Variants in CDC14B observed in about 807,000 individuals in gnomAD.
CDC14B encodes the protein dual specificity protein phosphatase CDC14B.
Under a neutral mutation model 64.2 loss-of-function variants are expected in CDC14B, and 22 were observed. The ratio of observed to expected loss-of-function variants is 0.34; its 90% CI spans 0.24 to 0.49. The LOEUF is 0.49. Among genes scored for constraint, CDC14B ranks in the 20% least tolerant of loss-of-function variants. CDC14B has a pLI of 0.99. For missense variants in CDC14B, 498 were observed against 629.9 expected (o/e 0.79, Z 2.24); for synonymous variants, 191 against 215.8 (o/e 0.89, Z 1.01).
At chr9:96,524,363 G>T (rs1279596575) in intron 9 of CDC14B, among the ~76,000 whole-genome samples, 2 of 152,340 alleles carry the variant, frequency 1.3e-5, no homozygotes, top group East Asian at 3.9e-4. Context: ...ATGATTCTCA[G>T]TAAGTGCAGT....
intron 9 of CDC14B, among the ~76,000 whole-genome samples, chr9:96,533,004 T>C (rs1466335121): frequency 1.3e-5 from 2 of 152,224 alleles, no homozygotes; most frequent in African/African-American, 2.4e-5. Flanking sequence ...GTTCTGTCTA[T>C]TGGCCAGGCT....
intron 1 of CDC14B, among the ~76,000 whole-genome samples, chr9:96,573,187 T>C (rs755387835): frequency 3.0e-4 from 45 of 152,190 alleles, no homozygotes; most frequent in Non-Finnish European, 5.1e-4. Flanking sequence ...GGCCCGCGCC[T>C]GTAATCCCAG....
At chr9:96,609,124 C>T (rs963053398) in intron 1 of CDC14B, among the ~76,000 whole-genome samples, 2 of 152,082 alleles carry the variant, frequency 1.3e-5, no homozygotes, top group African/African-American at 4.8e-5. Flanking sequence ...GCCAACACGC[C>T]TGGCTAATTT....
chr9:96,598,061 T>C (rs984550765), intron 1 of CDC14B, among the ~76,000 whole-genome samples: 5 of 152,146 alleles, frequency 3.3e-5, no homozygotes, highest in Admixed American at 6.5e-5. Flanking sequence ...TAATCAAGTA[T>C]AAGCAAATCA....
At chr9:96,596,765 G>A (rs933444071) in intron 1 of CDC14B, among the ~76,000 whole-genome samples, 1 of 151,828 alleles carries the variant, frequency 6.6e-6, no homozygotes, top group Non-Finnish European at 1.5e-5. Context: ...AGGCTGAGGT[G>A]GGCGGATCAC....
chr9:96,576,093 T>C (rs766152721), intron 1 of CDC14B, among the ~76,000 whole-genome samples: 6 of 151,332 alleles, frequency 4.0e-5, no homozygotes, highest in South Asian at 2.1e-4. Flanking sequence ...CTGGCCAACA[T>C]GGTGAAACCT....
intron 13 of CDC14B, among the ~76,000 whole-genome samples, chr9:96,509,402 G>A (rs545799539): frequency 3.2e-4 from 49 of 152,218 alleles, no homozygotes; most frequent in African/African-American, 1.1e-3. Flanking sequence ...AGCCAGCTTT[G>A]GAAATTCTTA....
At chr9:96,494,297 C>T (rs1447820322) in intron 13 of CDC14B, among the ~76,000 whole-genome samples, 1 of 152,248 alleles carries the variant, frequency 6.6e-6, no homozygotes, top group Non-Finnish European at 1.5e-5. Flanking sequence ...ATGCCTGTAC[C>T]TCAGGCAGGG....
chr9:96,562,117 G>A lies in CDC14B; in HGVS notation c.420+576C>T, dbSNP rs78989049. The stretch of plus-strand genomic sequence containing the variant: ...AAGTACATTTCCAATGATCCAAATG[G>A]AGCACTTGATGGCATATGTATGTAA... On this transcript the variant is annotated intron_variant, in intron 4 of 13. Coordinates refer to ENST00000375241, the MANE Select transcript of CDC14B (RefSeq NM_033331.4). Among the ~76,000 whole-genome samples, 597 of 152,206 alleles carry A rather than the reference G, an allele frequency of 3.9e-3. 15 individuals carry two copies. The highest frequency in any genetic ancestry group is 0.039 in the South Asian group (186 of 4,826).
Position 96,515,757 on chromosome 9 carries a change from C to T in CDC14B, c.1344-5968G>A, listed in dbSNP as rs565900978. Reference sequence around the variant, plus strand: ...ACAAACAATCCACCAGATGACAACACTACACAGTGCAGAGGTCAGCACAGC... The same window carrying T: ...ACAAACAATCCACCAGATGACAACATTACACAGTGCAGAGGTCAGCACAGC... On this transcript the variant is annotated intron_variant, in intron 12 of 13. Coordinates refer to ENST00000375241, the MANE Select transcript of CDC14B (RefSeq NM_033331.4). The surrounding 1 kb of genome is among the most constrained non-coding windows in gnomAD (Gnocchi z 4.3). 1 of 1,605,908 alleles carries T rather than the reference C, an allele frequency of 6.2e-7. No individual in the cohort carries two copies. Among genetic ancestry groups the T allele is most frequent in the Admixed American group, 1.7e-5 (1 of 59,070 alleles).
intron 4 of CDC14B, among the ~76,000 whole-genome samples, chr9:96,554,694 A>G (rs942963297): frequency 7.4e-4 from 112 of 152,318 alleles, no homozygotes; most frequent in African/African-American, 2.6e-3. Context: ...TGCAGAACAA[A>G]TCCACTTATA....
At chr9:96,520,749 G>A (rs1836569722) in intron 12 of CDC14B, among the ~76,000 whole-genome samples, 1 of 152,166 alleles carries the variant, frequency 6.6e-6, no homozygotes, top group African/African-American at 2.4e-5. Flanking sequence ...CCTAGGGCTT[G>A]CAATTCAATG....
At position 96,517,348 on chromosome 9, in the gene CDC14B, T is replaced by TA. The variant is rs1394254026; in HGVS notation, c.1343+5157dup. Among the ~76,000 whole-genome samples, 88 of 120,770 alleles carry TA rather than the reference T, an allele frequency of 7.3e-4. No homozygotes were observed. The East Asian group carries it at 0.013, about 18-fold the overall frequency. 79.2% of individuals were successfully genotyped at this position (120,770 alleles called of 152,430 possible). A position where few individuals can be genotyped will look rare whatever the true frequency, so the allele number is the denominator to read the frequency against. On this transcript the variant is annotated intron_variant, in intron 12 of 13. Transcript: ENST00000375241. ...CAGAGCGAGACTCTGTCTCAAAAAA[T>TA]AAAAAAAATAAAAAAAAATAAAGGC...
chr9:96,552,875 T>G (rs1025085170), intron 4 of CDC14B, among the ~76,000 whole-genome samples: 1 of 152,106 alleles, frequency 6.6e-6, no homozygotes, highest in Admixed American at 6.5e-5. Context: ...TAAAATTAGG[T>G]TGAACTCCAA....
At chr9:96,496,617 G>A (rs374730680), downstream of CDC14B, among the ~76,000 whole-genome samples, 31 of 152,236 alleles carry the variant, frequency 2.0e-4, no homozygotes, top group African/African-American at 7.2e-4. Flanking sequence ...CGCTCCGTGC[G>A]TCTCCCTCCG....
chr9:96,572,850 C>T (rs1003817644), intron 1 of CDC14B, among the ~76,000 whole-genome samples: 4 of 152,132 alleles, frequency 2.6e-5, no homozygotes, highest in Admixed American at 6.5e-5. Flanking sequence ...TGGAAGCATC[C>T]TTATAAAATA....
At chr9:96,545,380 C>T (rs990626925) in intron 5 of CDC14B, among the ~76,000 whole-genome samples, 4 of 147,966 alleles carry the variant, frequency 2.7e-5, no homozygotes, top group East Asian at 2.0e-4. Context: ...TGCAGTGGCG[C>T]GATCTTGGCT....
intron 1 of CDC14B, among the ~76,000 whole-genome samples, chr9:96,569,227 G>T (rs1322659767): frequency 6.6e-6 from 1 of 152,160 alleles, no homozygotes; most frequent in Non-Finnish European, 1.5e-5. Context: ...TTCCAAAGCC[G>T]ACTCTTGATC....
rs1306983647 is a variant in CDC14B, at chr9:96,619,305, G to A, written c.74C>T (p.Ser25Leu). ...GCTGCGGATCTTCTTCACACCCGGC[G>A]AGGTCGACGAGCAGCGCCGCGAGCA... is the stretch of plus-strand genomic sequence containing the variant. ...PPCSRRCSST[S>L]PGVKKIRSST... is the part of the protein sequence containing the mutation. The change falls in exon 1 of 14, where the codon TCG becomes TTG. Residue 25 changes from serine to leucine, a missense_variant. By Grantham distance (145) the Ser-to-Leu change is moderately radical. Transcript: ENST00000375241. The A allele has an allele frequency of 3.8e-6, 5 of 1,315,748 alleles. No homozygotes were observed. The African/African-American group carries it at 4.6e-5, about 12-fold the overall frequency. The allele number at this position is 1,315,748 out of a possible 1,614,324, so 81.5% of individuals were successfully genotyped here.
Sources: allele counts gnomAD v4.1 joint callset (sites outside exome capture counted in the v4.1 genomes callset), GRCh38; gene constraint gnomAD v4.1.1; non-coding constraint Gnocchi (gnomAD v3.1); transcripts MANE v1.5; gene names NCBI Gene and HGNC (gene_info 2026-07-23, HGNC 2026-07-21).